The following PAWR variants were observed in gnomAD, a reference collection of about 807,000 sequenced individuals.
The protein encoded by PAWR is PRKC apoptosis WT1 regulator protein.
In PAWR, 23 loss-of-function variants were observed where a neutral mutation model predicts 32.0. The ratio of observed to expected loss-of-function variants is 0.72; its 90% CI spans 0.52 to 1.02. The LOEUF is 1.02. Among genes scored for constraint, PAWR ranks in the 50% least tolerant of loss-of-function variants. The pLI, the probability that PAWR is intolerant of heterozygous loss-of-function variation, is 0.00. For synonymous variants in PAWR, 226 were observed against 187.1 expected (o/e 1.21, Z -1.70); for missense variants, 457 against 437.7 (o/e 1.04, Z -0.39).
intron 2 of PAWR, among the ~76,000 whole-genome samples, chr12:79,634,582 C>A (rs1006215965): frequency 1.3e-5 from 2 of 152,170 alleles, no homozygotes; most frequent in Non-Finnish European, 2.9e-5. Flanking sequence ...AAAACCTGAA[C>A]TCAATTTTCC....
chr12:79,652,547 T>C (rs1381461655), intron 2 of PAWR, among the ~76,000 whole-genome samples: 1 of 152,202 alleles, frequency 6.6e-6, no homozygotes, highest in African/African-American at 2.4e-5. Context: ...AAAAGTTCTT[T>C]GGAAAAAGTT....
At chr12:79,685,159 A>C (rs10862011) in intron 2 of PAWR, among the ~76,000 whole-genome samples, 1 of 152,320 alleles carries the variant, frequency 6.6e-6, no homozygotes, top group East Asian at 1.9e-4. Context: ...ATAATATTAA[A>C]ATTTCAATTT....
intron 2 of PAWR, among the ~76,000 whole-genome samples, chr12:79,642,214 AG>A (rs1196488090): frequency 3.3e-5 from 5 of 152,224 alleles, no homozygotes; most frequent in Non-Finnish European, 7.3e-5. Context: ...CAAGAAAATT[AG>A]TATTTCTTGA....
At chr12:79,603,545 A>G (rs963878403) in intron 4 of PAWR, 3 of 152,148 alleles carry the variant, frequency 2.0e-5, no homozygotes, top group Non-Finnish European at 4.4e-5. Flanking sequence ...GATGTCCGTT[A>G]GTAATCGTGT....
intron 2 of PAWR, among the ~76,000 whole-genome samples, chr12:79,652,127 T>C (rs1018941207): frequency 2.0e-5 from 3 of 152,196 alleles, no homozygotes; most frequent in Non-Finnish European, 4.4e-5. Context: ...AGATACGTAG[T>C]TTCAGTTTGG....
intron 2 of PAWR, among the ~76,000 whole-genome samples, chr12:79,670,537 T>C (rs1365874254): frequency 6.6e-6 from 1 of 152,046 alleles, no homozygotes; most frequent in Admixed American, 6.5e-5. Flanking sequence ...ATGCCAAAAA[T>C]ATCTCATTCA....
intron 3 of PAWR, 123 bp downstream of exon 3, chr12:79,620,953 G>A (rs1013777504): frequency 1.4e-6 from 1 of 700,446 alleles, no homozygotes; most frequent in Non-Finnish European, 2.4e-6. Flanking sequence ...CTTATGGTAA[G>A]GAAGGCATAA....
intron 4 of PAWR, among the ~76,000 whole-genome samples, chr12:79,611,620 T>C (rs1874444976): frequency 6.6e-6 from 1 of 151,904 alleles, no homozygotes. Context: ...AGTTTTTGTC[T>C]TTTTTTCTCT....
intron 2 of PAWR, among the ~76,000 whole-genome samples, chr12:79,667,343 T>C (rs1877658153): frequency 6.6e-6 from 1 of 151,852 alleles, no homozygotes; most frequent in Non-Finnish European, 1.5e-5. Context: ...CTTGTCAAAA[T>C]AATAATAATA....
chr12:79,656,348 G>A (rs768988834), intron 2 of PAWR, among the ~76,000 whole-genome samples: 6 of 152,220 alleles, frequency 3.9e-5, no homozygotes, highest in Non-Finnish European at 8.8e-5. Flanking sequence ...GCCTGAACTA[G>A]TGTGGTAGTA....
rs750122937 is a variant in PAWR at position 79,596,534 on chromosome 12, T to C, written c.808A>G (p.Lys270Glu). 9.5e-6 allele frequency: 15 copies of C among 1,575,676 alleles called. No individual in the cohort carries two copies. The highest frequency in any genetic ancestry group is 1.3e-5 in the Non-Finnish European group (15 of 1,154,694). ...GTLVSSSTLE[K>E]KIEDLEKEVV... ...ACCTTTTCAAGATCTTCAATTTTCTTTTCCAGTGTGCTACTTGAAACCAGA... is the reference window on the plus strand; with the variant it reads ...ACCTTTTCAAGATCTTCAATTTTCTCTTCCAGTGTGCTACTTGAAACCAGA... The change falls in exon 5 of 7, where the codon AAG becomes GAG. Residue 270 changes from lysine to glutamate, a missense_variant. Coordinates refer to ENST00000328827, the MANE Select transcript of PAWR (RefSeq NM_002583.4).
intron 2 of PAWR, among the ~76,000 whole-genome samples, chr12:79,623,291 C>A (rs1397080770): frequency 6.6e-6 from 1 of 151,938 alleles, no homozygotes; most frequent in East Asian, 1.9e-4. Context: ...AATCACTAGA[C>A]AATATCTTGT....
chr12:79,654,817 AC>A (rs150573822), intron 2 of PAWR, among the ~76,000 whole-genome samples: 1 of 152,008 alleles, frequency 6.6e-6, no homozygotes, highest in Non-Finnish European at 1.5e-5. Context: ...GGAGGAAACC[AC>A]CCCCATAATC....
At chr12:79,682,918 C>A (rs61927418) in intron 2 of PAWR, among the ~76,000 whole-genome samples, 1 of 152,160 alleles carries the variant, frequency 6.6e-6, no homozygotes, top group Non-Finnish European at 1.5e-5. Context: ...AGATGGCAAA[C>A]ACAATGCTTT....
At chr12:79,610,890 C>G (rs999244976) in intron 4 of PAWR, among the ~76,000 whole-genome samples, 1 of 150,846 alleles carries the variant, frequency 6.6e-6, no homozygotes, top group Non-Finnish European at 1.5e-5. Flanking sequence ...AAATAGTTCC[C>G]TACAGTTAAA....
intron 2 of PAWR, among the ~76,000 whole-genome samples, chr12:79,648,757 C>T (rs550686672): frequency 3.6e-4 from 55 of 150,928 alleles, no homozygotes; most frequent in African/African-American, 1.3e-3. Flanking sequence ...CCTTTGCACT[C>T]CATCCTGGGC....
intron 2 of PAWR, among the ~76,000 whole-genome samples, chr12:79,689,467 T>C (rs1352280095): frequency 1.3e-5 from 2 of 152,190 alleles, no homozygotes; most frequent in South Asian, 2.1e-4. Context: ...GTTGTCTTTC[T>C]ACCACGGTAA....
At chr12:79,669,649 G>A (rs1446756293) in intron 2 of PAWR, among the ~76,000 whole-genome samples, 1 of 151,752 alleles carries the variant, frequency 6.6e-6, no homozygotes, top group African/African-American at 2.4e-5. Flanking sequence ...AATGATACAT[G>A]GAAAAAGATT....
At chr12:79,676,523 G>A (rs1429760859) in intron 2 of PAWR, among the ~76,000 whole-genome samples, 7 of 152,058 alleles carry the variant, frequency 4.6e-5, no homozygotes, top group African/African-American at 7.2e-5. Context: ...CCCAACTAGA[G>A]TATGGCAACA....
Sources: gnomAD v4.1 joint callset for allele counts (sites outside exome capture counted in the v4.1 genomes callset) on GRCh38, gnomAD v4.1.1 for gene constraint, MANE v1.5 for transcripts, NCBI Gene and HGNC (gene_info 2026-07-23, HGNC 2026-07-21) for gene names.